Variants in STEAP1B observed in about 807,000 individuals in gnomAD.
STEAP1B encodes the protein STEAP family protein MGC87042.
A neutral mutation model predicts 27.9 loss-of-function variants in STEAP1B; 13 were observed. The observed-to-expected ratio is 0.47, with a 90% CI of 0.30 to 0.74. The LOEUF (loss-of-function observed/expected upper bound fraction) is 0.74, where lower values mean the gene tolerates loss of function less well. STEAP1B is among the 30% of genes least tolerant of loss of function. STEAP1B has a pLI of 0.06. For synonymous variants in STEAP1B, 86 were observed against 107.1 expected, an observed-to-expected ratio of 0.80 and a Z score of 1.22; for missense variants, 250 against 298.7, an observed-to-expected ratio of 0.84 and a Z score of 1.20.
At chr7:22,497,516 T>C (rs550627455) in intron 1 of STEAP1B, among the ~76,000 whole-genome samples, 3 of 152,280 alleles carry the variant, frequency 2.0e-5, no homozygotes, top group South Asian at 4.1e-4. Flanking sequence ...CACTGGCATG[T>C]AAAAGAATTC....
At chr7:22,433,215 G>C (rs1409104983) in intron 4 of STEAP1B, among the ~76,000 whole-genome samples, 1 of 152,060 alleles carries the variant, frequency 6.6e-6, no homozygotes, top group Non-Finnish European at 1.5e-5. Context: ...AAAAGACAGA[G>C]AACCTGGTAA....
intron 4 of STEAP1B, among the ~76,000 whole-genome samples, chr7:22,485,410 AAGT>A (rs1786185545): frequency 6.6e-6 from 1 of 152,222 alleles, no homozygotes; most frequent in South Asian, 2.1e-4. Flanking sequence ...TTTAGCAATA[AAGT>A]ATTTTAAATT....
chr7:22,440,425 G>A (rs547215369), intron 4 of STEAP1B, among the ~76,000 whole-genome samples: 3 of 152,164 alleles, frequency 2.0e-5, no homozygotes, highest in African/African-American at 7.2e-5. Flanking sequence ...TATCTGATGG[G>A]GTATCTTGTA....
intron 1 of STEAP1B, among the ~76,000 whole-genome samples, 174 bp downstream of exon 1, chr7:22,499,940 C>T (rs1238189915): frequency 2.0e-5 from 3 of 152,220 alleles, no homozygotes; most frequent in Non-Finnish European, 4.4e-5. Flanking sequence ...CCCAGAGCCG[C>T]GCATAAGCGA....
At chr7:22,422,350 T>G (rs1290709725) in intron 4 of STEAP1B, among the ~76,000 whole-genome samples, 2 of 152,224 alleles carry the variant, frequency 1.3e-5, no homozygotes, top group Non-Finnish European at 2.9e-5. Context: ...CTACAAATAT[T>G]GTAACCGCAA....
At chr7:22,432,420 T>A (rs1475801674) in intron 4 of STEAP1B, among the ~76,000 whole-genome samples, 1 of 138,116 alleles carries the variant, frequency 7.2e-6, no homozygotes, top group Non-Finnish European at 1.6e-5. Context: ...AATAAATAAA[T>A]AAAAGGTTAG....
chr7:22,468,370 T>C (rs1341113984), intron 4 of STEAP1B, among the ~76,000 whole-genome samples: 1 of 151,994 alleles, frequency 6.6e-6, no homozygotes, highest in African/African-American at 2.4e-5. Context: ...GGCTGAGTAG[T>C]TTTCCCAAAA....
intron 4 of STEAP1B, among the ~76,000 whole-genome samples, chr7:22,421,095 C>A (rs1785037590): frequency 6.6e-6 from 1 of 152,206 alleles, no homozygotes; most frequent in Non-Finnish European, 1.5e-5. Flanking sequence ...TTATGTCTGG[C>A]AAGCACATTG....
chr7:22,490,596 G>A (rs1486503525), intron 4 of STEAP1B, among the ~76,000 whole-genome samples: 1 of 152,114 alleles, frequency 6.6e-6, no homozygotes, highest in Non-Finnish European at 1.5e-5. Context: ...GTAACTTCTG[G>A]ATGATTTTGT....
intron 4 of STEAP1B, among the ~76,000 whole-genome samples, chr7:22,424,394 A>G (rs953611112): frequency 6.6e-6 from 1 of 152,226 alleles, no homozygotes; most frequent in African/African-American, 2.4e-5. Flanking sequence ...AATGACGAAT[A>G]AACAAAGGAA....
At chr7:22,431,471 G>A (rs1281427223) in intron 4 of STEAP1B, among the ~76,000 whole-genome samples, 4 of 152,296 alleles carry the variant, frequency 2.6e-5, no homozygotes, top group Non-Finnish European at 5.9e-5. Flanking sequence ...CAAGCGCTGT[G>A]GCCTGGCGAT....
intron 4 of STEAP1B, among the ~76,000 whole-genome samples, chr7:22,438,210 T>A (rs1401505855): frequency 2.0e-5 from 3 of 152,166 alleles, no homozygotes; most frequent in African/African-American, 7.2e-5. Context: ...TGGGTTCCCT[T>A]CCCAAGGAAC....
At chr7:22,498,013 G>A (rs1182402006) in intron 1 of STEAP1B, among the ~76,000 whole-genome samples, 1 of 152,174 alleles carries the variant, frequency 6.6e-6, no homozygotes, top group Non-Finnish European at 1.5e-5. Flanking sequence ...ATTCTCATAA[G>A]GAGCACACAA....
chr7:22,476,146 C>G (rs1383918060), intron 4 of STEAP1B, among the ~76,000 whole-genome samples: 1 of 152,190 alleles, frequency 6.6e-6, no homozygotes, highest in African/African-American at 2.4e-5. Flanking sequence ...CCATTTCAGG[C>G]AGTTGGTGGG....
chr7:22,477,986 G>A (rs541134508), intron 4 of STEAP1B, among the ~76,000 whole-genome samples: 82 of 152,224 alleles, frequency 5.4e-4, no homozygotes, highest in African/African-American at 1.7e-3. Flanking sequence ...CCGTGCCAAG[G>A]TGCTGTGCTG....
At chr7:22,461,846 T>C (rs569716799) in intron 4 of STEAP1B, among the ~76,000 whole-genome samples, 5 of 152,342 alleles carry the variant, frequency 3.3e-5, no homozygotes, top group African/African-American at 1.2e-4. Context: ...AAATTGTGTG[T>C]TAAGTCGTTG....
intron 4 of STEAP1B, among the ~76,000 whole-genome samples, chr7:22,437,305 CTA>C (rs1298192968): frequency 6.6e-6 from 1 of 152,214 alleles, no homozygotes; most frequent in African/African-American, 2.4e-5. Flanking sequence ...TTCTCTGTTT[CTA>C]TGAGTTTGAC....
chr7:22,462,916 T>C (rs553015008), intron 4 of STEAP1B, among the ~76,000 whole-genome samples: 1 of 152,248 alleles, frequency 6.6e-6, no homozygotes, highest in East Asian at 1.9e-4. Context: ...TTTTTAATGA[T>C]TGCCCTTCTA....
chr7:22,498,021 C>T (rs565906656), intron 1 of STEAP1B, among the ~76,000 whole-genome samples: 1 of 152,158 alleles, frequency 6.6e-6, no homozygotes, highest in African/African-American at 2.4e-5. Context: ...AAGGAGCACA[C>T]AACCTAGGTC....
Sources: gnomAD v4.1 joint callset for allele counts (sites outside exome capture counted in the v4.1 genomes callset) on GRCh38, gnomAD v4.1.1 for gene constraint, MANE v1.5 for transcripts, NCBI Gene and HGNC (gene_info 2026-07-23, HGNC 2026-07-21) for gene names.